ARHGAP44: variants seen among roughly 807,000 people sequenced by gnomAD.
ARHGAP44 encodes the protein Rho GTPase activating protein 44.
ARHGAP44 carries 43 observed loss-of-function variants against 106.8 expected under a neutral mutation model. That is an observed-to-expected ratio of 0.40 (90% confidence interval 0.32 to 0.52). The LOEUF (loss-of-function observed/expected upper bound fraction) is 0.52, where lower values mean the gene tolerates loss of function less well. Among genes scored for constraint, ARHGAP44 ranks in the 20% least tolerant of loss-of-function variants. ARHGAP44 has a pLI of 0.48. For missense variants in ARHGAP44, 866 were observed against 1,050.5 expected (o/e 0.82, Z 2.43); for synonymous variants, 439 against 410.3 (o/e 1.07, Z -0.85).
chr17:12,987,355 T>G, intron 20 of ARHGAP44: 1 of 483,270 alleles, frequency 2.1e-6, no homozygotes, highest in Non-Finnish European at 3.7e-6. Context: ...CTTTTCTTTC[T>G]TTTCATTAGG....
chr17:12,983,808 A>G (rs965816573), intron 19 of ARHGAP44, among the ~76,000 whole-genome samples: 2 of 151,360 alleles, frequency 1.3e-5, no homozygotes, highest in African/African-American at 4.9e-5. Context: ...CCGTCTCCAA[A>G]AGAAAAAAAA....
chr17:12,945,242 T>TC (rs2038821732), intron 10 of ARHGAP44, among the ~76,000 whole-genome samples: 1 of 151,520 alleles, frequency 6.6e-6, no homozygotes, highest in East Asian at 2.0e-4. Flanking sequence ...ACTCCTGACC[T>TC]CAAGTGATCT....
rs192227744 is a variant in ARHGAP44, at chr17:12,933,239, G to A, written c.582+4193G>A. 1.7e-3 allele frequency among the ~76,000 whole-genome samples: 255 copies of A among 152,308 alleles called. 2 individuals carry two copies. Among genetic ancestry groups the A allele is most frequent in the South Asian group, 8.1e-3 (39 of 4,830 alleles). On this transcript the variant is annotated intron_variant, in intron 7 of 20. Coordinates refer to ENST00000379672, the MANE Select transcript of ARHGAP44 (RefSeq NM_014859.6). ...GGTTTTATATTTCCTCAGCAGGCAA[G>A]TGTTTGGGATCTCCTATATTGTGGC...
chr17:12,956,058 G>T (rs2039119599), intron 14 of ARHGAP44, 78 bp downstream of exon 14: 2 of 1,015,724 alleles, frequency 2.0e-6, no homozygotes, highest in Non-Finnish European at 3.0e-6. Context: ...GGACAGCTGG[G>T]GCCTAGCTGA....
intron 1 of ARHGAP44, among the ~76,000 whole-genome samples, chr17:12,880,438 A>G (rs73978263): frequency 0.041 from 6,297 of 152,032 alleles, 410 homozygotes; most frequent in African/African-American, 0.14. Flanking sequence ...TCCTTTCCCA[A>G]TAAGGTGTTT....
intron 1 of ARHGAP44, among the ~76,000 whole-genome samples, chr17:12,829,448 G>A (rs1955727753): frequency 1.3e-5 from 2 of 151,834 alleles, no homozygotes; most frequent in Non-Finnish European, 1.5e-5. Context: ...TTTGACCCTT[G>A]GCATGAGCAA....
intron 16 of ARHGAP44, among the ~76,000 whole-genome samples, chr17:12,966,569 CTCACCT>C (rs1567713677): frequency 6.6e-6 from 1 of 152,234 alleles, no homozygotes; most frequent in South Asian, 2.1e-4. Context: ...CCCCTTTTCA[CTCACCT>C]TTGCTGTCCG....
chr17:12,981,663 G>T (rs2039834270), intron 19 of ARHGAP44, among the ~76,000 whole-genome samples: 1 of 151,642 alleles, frequency 6.6e-6, no homozygotes, highest in Admixed American at 6.6e-5. Flanking sequence ...CTCCCAAAGT[G>T]CTGGGATTAC....
chr17:12,811,585 G>C (rs1288067015), intron 1 of ARHGAP44, among the ~76,000 whole-genome samples: 1 of 152,138 alleles, frequency 6.6e-6, no homozygotes, highest in Non-Finnish European at 1.5e-5. Flanking sequence ...AGCCTGTGTT[G>C]TTCAAAGGCC....
chr17:12,979,389 A>G (rs559716876), intron 18 of ARHGAP44, among the ~76,000 whole-genome samples: 48 of 152,306 alleles, frequency 3.2e-4, no homozygotes, highest in African/African-American at 1.2e-3. Flanking sequence ...TCCAGAGGTC[A>G]GAGGCCAGAG....
In ARHGAP44 at chr17:12,948,752, C is replaced by CA. The variant is rs1221163562; in HGVS notation, c.862-388_862-387insA. On this transcript the variant is annotated intron_variant, in intron 10 of 20. Transcript: ENST00000379672. ...CACACACACACACACACACACACAC[C>CA]CCCTGTAGACCTCCTCACATTCAAC... 7.6e-3 allele frequency among the ~76,000 whole-genome samples: 1,073 copies of CA among 140,876 alleles called. 48 individuals carry two copies. In the South Asian group the frequency reaches 0.11, roughly 15 times the overall value. The allele number at this position is 140,876 out of a possible 152,430, so 92.4% of individuals were successfully genotyped here. A position where few individuals can be genotyped will look rare whatever the true frequency, so the allele number is the denominator to read the frequency against.
At chr17:12,812,281 C>T (rs114540695) in intron 1 of ARHGAP44, among the ~76,000 whole-genome samples, 2,212 of 152,182 alleles carry the variant, frequency 0.015, 20 homozygotes, top group Middle Eastern at 0.031. Flanking sequence ...AGAAATATCA[C>T]GTATGGCTTG....
intron 3 of ARHGAP44, among the ~76,000 whole-genome samples, chr17:12,899,413 A>C (rs1417871668): frequency 6.6e-6 from 1 of 152,214 alleles, no homozygotes; most frequent in Non-Finnish European, 1.5e-5. Context: ...GTGGGAAAAA[A>C]ATTTCCAAAC....
chr17:12,974,742 A>G (rs909845070), intron 18 of ARHGAP44, among the ~76,000 whole-genome samples: 1 of 152,220 alleles, frequency 6.6e-6, no homozygotes, highest in Non-Finnish European at 1.5e-5. Flanking sequence ...CCTGTGATAA[A>G]GTTTTAATTT....
chr17:12,921,025 G>T (rs1251506495), intron 6 of ARHGAP44, among the ~76,000 whole-genome samples: 1 of 152,024 alleles, frequency 6.6e-6, no homozygotes, highest in Non-Finnish European at 1.5e-5. Flanking sequence ...TTCTACCTTA[G>T]GTTTTTCGTA....
At chr17:12,852,610 C>T (rs1444107232) in intron 1 of ARHGAP44, among the ~76,000 whole-genome samples, 1 of 149,806 alleles carries the variant, frequency 6.7e-6, no homozygotes, top group African/African-American at 2.5e-5. Context: ...GGTGCAATCT[C>T]GGCTCACTGC....
chr17:12,898,406 A>C (rs2037278340), intron 3 of ARHGAP44, among the ~76,000 whole-genome samples: 1 of 152,220 alleles, frequency 6.6e-6, no homozygotes, highest in Non-Finnish European at 1.5e-5. Flanking sequence ...CTCTAGGGTC[A>C]GCAAGGGCCC....
intron 1 of ARHGAP44, among the ~76,000 whole-genome samples, chr17:12,827,794 C>T (rs559197493): frequency 1.3e-5 from 2 of 151,988 alleles, no homozygotes; most frequent in East Asian, 3.9e-4. Flanking sequence ...TTGATGAAGT[C>T]TCTTACTGCC....
At chr17:12,937,620 G>C (rs1190824683) in intron 7 of ARHGAP44, among the ~76,000 whole-genome samples, 1 of 152,158 alleles carries the variant, frequency 6.6e-6, no homozygotes, top group East Asian at 1.9e-4. Context: ...CCAAATCTAA[G>C]AGTTGTTGAG....
Sources: allele counts gnomAD v4.1 joint callset (sites outside exome capture counted in the v4.1 genomes callset), GRCh38; gene constraint gnomAD v4.1.1; transcripts MANE v1.5; gene names NCBI Gene and HGNC (gene_info 2026-07-23, HGNC 2026-07-21).